Variants in SIL1 observed in about 807,000 individuals in gnomAD.
SIL1 encodes the protein SIL1 nucleotide exchange factor, also known as nucleotide exchange factor SIL1.
In SIL1, 40 loss-of-function variants were observed where a neutral mutation model predicts 49.1. That is an observed-to-expected ratio of 0.81 (90% CI 0.63 to 1.06). SIL1 has a LOEUF of 1.06. Ranked by LOEUF, SIL1 falls within the 50% of genes least tolerant of loss-of-function variation. The probability of loss-of-function intolerance (pLI) is 0.00; values close to 1 mark genes in which losing one functional copy is unlikely to be tolerated. For missense variants in SIL1, 500 were observed against 572.6 expected, an observed-to-expected ratio of 0.87 and a Z score of 1.29; for synonymous variants, 253 against 250.8, an observed-to-expected ratio of 1.01 and a Z score of -0.08.
At chr5:139,165,834 T>A (rs1332421195) in intron 1 of SIL1, among the ~76,000 whole-genome samples, 2 of 151,568 alleles carry the variant, frequency 1.3e-5, no homozygotes, top group Non-Finnish European at 2.9e-5. Flanking sequence ...AATTTTTTTT[T>A]ATTATTTTTT....
chr5:139,051,212 C>T (rs1426539794), intron 3 of SIL1, 166 bp from the exon 4 acceptor site: 14 of 667,304 alleles, frequency 2.1e-5, no homozygotes, highest in South Asian at 4.8e-5. Flanking sequence ...ACACACCACT[C>T]GCATAAACTC....
chr5:139,104,674 C>G (rs1218003306), intron 3 of SIL1, among the ~76,000 whole-genome samples: 1 of 152,152 alleles, frequency 6.6e-6, no homozygotes, highest in Admixed American at 6.5e-5. Context: ...CACAAGGACA[C>G]CTGTATATCC....
intron 1 of SIL1, among the ~76,000 whole-genome samples, chr5:139,173,685 GC>G (rs1187949691): frequency 6.6e-6 from 1 of 150,568 alleles, no homozygotes; most frequent in Non-Finnish European, 1.5e-5. Context: ...GGTGGCTCAT[GC>G]CTGTAATCCC....
At chr5:139,154,160 C>T (rs1222662392) in intron 1 of SIL1, among the ~76,000 whole-genome samples, 2 of 152,216 alleles carry the variant, frequency 1.3e-5, no homozygotes, top group Non-Finnish European at 2.9e-5. Flanking sequence ...TATAAGACAT[C>T]TGCATTTACA....
intron 1 of SIL1, among the ~76,000 whole-genome samples, chr5:139,134,933 G>C (rs1478353250): frequency 6.6e-6 from 1 of 152,158 alleles, no homozygotes; most frequent in African/African-American, 2.4e-5. Flanking sequence ...CCTAATTTAA[G>C]CAGACAAATA....
At chr5:139,180,381 CAAAAAA>C (rs35534058) in intron 1 of SIL1, among the ~76,000 whole-genome samples, 34 of 57,056 alleles carry the variant, frequency 6.0e-4, no homozygotes, top group African/African-American at 2.2e-3. Flanking sequence ...AACTCCATCT[CAAAAAA>C]AAAAAAAAAA....
chr5:139,034,793 A>G (rs1768866685), intron 5 of SIL1, among the ~76,000 whole-genome samples: 1 of 152,176 alleles, frequency 6.6e-6, no homozygotes, highest in South Asian at 2.1e-4. Context: ...CAGTAATGGG[A>G]TTGCTGGGTC....
At chr5:138,966,236 G>A (rs1767135564) in intron 7 of SIL1, among the ~76,000 whole-genome samples, 1 of 152,176 alleles carries the variant, frequency 6.6e-6, no homozygotes, top group Non-Finnish European at 1.5e-5. Flanking sequence ...AAGGCAGGAA[G>A]AGAAAACCAC....
intron 1 of SIL1, among the ~76,000 whole-genome samples, chr5:139,160,110 T>G (rs546805732): frequency 6.6e-6 from 1 of 150,494 alleles, no homozygotes; most frequent in South Asian, 2.1e-4. Flanking sequence ...AGCCTAACTG[T>G]GCATTTTACC....
chr5:138,989,577 G>A (rs1767714459), intron 7 of SIL1, among the ~76,000 whole-genome samples: 1 of 152,124 alleles, frequency 6.6e-6, no homozygotes, highest in South Asian at 2.1e-4. Flanking sequence ...GGAAGGAAAG[G>A]AGAGAGATAC....
intron 3 of SIL1, among the ~76,000 whole-genome samples, chr5:139,076,706 C>T (rs554679402): frequency 3.9e-4 from 59 of 152,310 alleles, no homozygotes; most frequent in African/African-American, 1.4e-3. Flanking sequence ...TTTATAGCCA[C>T]TTCATTATTT....
At chr5:139,014,820 C>CT (rs1768364442) in intron 7 of SIL1, among the ~76,000 whole-genome samples, 1 of 152,306 alleles carries the variant, frequency 6.6e-6, no homozygotes, top group Admixed American at 6.5e-5. Context: ...TCTCCTGTCA[C>CT]TATAAGAGTG....
In SIL1 at chr5:138,995,399, C is replaced by T. The variant is rs999713196; in HGVS notation, c.767+25772G>A. On this transcript the variant is annotated intron_variant, in intron 7 of 9. Coordinates refer to ENST00000394817, the MANE Select transcript of SIL1 (RefSeq NM_022464.5). The stretch of plus-strand genomic sequence containing the variant: ...AGCTGGGATTACAGGCATGCACCAC[C>T]ACGCCTGGCTAATTTTGTTTTAGTA... 2.6e-5 allele frequency among the ~76,000 whole-genome samples: 4 copies of T among 152,064 alleles called. No individual in the cohort carries two copies. In the East Asian group the frequency reaches 7.7e-4, roughly 29 times the overall value.
rs1220792158 is a variant in SIL1, at chr5:138,982,955, G to A, written c.768-31071C>T. 1.1e-4 allele frequency among the ~76,000 whole-genome samples: 17 copies of A among 152,212 alleles called. No homozygotes were observed. In the East Asian group the frequency reaches 2.9e-3, roughly 26 times the overall value. ...CTCATGCCTGTAATCCCAGCACTTT[G>A]GGAGGCTGAGGCAGGCAGATCACCT... On this transcript the variant is annotated intron_variant, in intron 7 of 9. Transcript: ENST00000394817.
intron 7 of SIL1, among the ~76,000 whole-genome samples, chr5:138,968,125 G>A (rs1258110568): frequency 6.6e-6 from 1 of 152,162 alleles, no homozygotes; most frequent in African/African-American, 2.4e-5. Context: ...TTGGGCTGGA[G>A]GTGGGGCAGG....
intron 3 of SIL1, among the ~76,000 whole-genome samples, chr5:139,116,053 G>C (rs1770980369): frequency 6.6e-6 from 1 of 152,200 alleles, no homozygotes; most frequent in African/African-American, 2.4e-5. Flanking sequence ...AAGAGCCAGA[G>C]GCCCAACAGA....
chr5:138,986,565 C>T (rs1028623778), intron 7 of SIL1, among the ~76,000 whole-genome samples: 7 of 152,108 alleles, frequency 4.6e-5, no homozygotes, highest in African/African-American at 1.4e-4. Context: ...CTCTCCCAGG[C>T]GCAGGACAAC....
chr5:139,105,387 T>C (rs1204299203), intron 3 of SIL1, among the ~76,000 whole-genome samples: 1 of 152,158 alleles, frequency 6.6e-6, no homozygotes, highest in Non-Finnish European at 1.5e-5. Flanking sequence ...ATCATCGCAG[T>C]GTTGATAATT....
intron 3 of SIL1, among the ~76,000 whole-genome samples, chr5:139,063,804 T>G (rs1769644857): frequency 6.6e-6 from 1 of 152,078 alleles, no homozygotes; most frequent in South Asian, 2.1e-4. Context: ...TTAGCAGGAG[T>G]GGTGCAACCA....
Sources: gnomAD v4.1 joint callset for allele counts (sites outside exome capture counted in the v4.1 genomes callset) on GRCh38, gnomAD v4.1.1 for gene constraint, MANE v1.5 for transcripts, NCBI Gene and HGNC (gene_info 2026-07-23, HGNC 2026-07-21) for gene names.